Variants in CBL observed in about 807,000 individuals in gnomAD.
CBL encodes Cbl proto-oncogene, also known as E3 ubiquitin-protein ligase CBL.
CBL carries 45 observed loss-of-function variants against 96.9 expected under a neutral mutation model. That is an observed-to-expected ratio of 0.46 (90% confidence interval 0.37 to 0.60). The LOEUF (loss-of-function observed/expected upper bound fraction) is 0.60, where lower values mean the gene tolerates loss of function less well. CBL is among the 20% of genes least tolerant of loss of function. CBL has a pLI of 0.00. For missense variants in CBL, 1,024 were observed against 1,143.5 expected (o/e 0.90, Z 1.51); for synonymous variants, 420 against 426.8 (o/e 0.98, Z 0.20).
chr11:119,209,689 C>T (rs1358694543), intron 1 of CBL, among the ~76,000 whole-genome samples: 1 of 152,060 alleles, frequency 6.6e-6, no homozygotes, highest in Non-Finnish European at 1.5e-5. Flanking sequence ...CTCATACCTG[C>T]TTTATCTTTG....
chr11:119,265,391 A>G (rs866517985), intron 2 of CBL, among the ~76,000 whole-genome samples: 17 of 152,242 alleles, frequency 1.1e-4, no homozygotes, highest in African/African-American at 3.6e-4. Flanking sequence ...AATAGATAAT[A>G]CTAGTTTAGT....
chr11:119,216,321 C>G (rs953738545), intron 1 of CBL, among the ~76,000 whole-genome samples: 1 of 151,972 alleles, frequency 6.6e-6, no homozygotes, highest in African/African-American at 2.4e-5. Flanking sequence ...TGCCCTCCTC[C>G]TCTCTTGGAC....
intron 2 of CBL, among the ~76,000 whole-genome samples, chr11:119,247,338 C>T (rs1400298170): frequency 6.6e-6 from 1 of 151,906 alleles, no homozygotes; most frequent in Non-Finnish European, 1.5e-5. Context: ...AGCAATTAGG[C>T]AAGGAAAAGA....
In CBL at chr11:119,296,974, C is replaced by A. The variant is rs1565272125; in HGVS notation, c.2093C>A (p.Thr698Lys). 1 of 1,612,510 alleles carries A rather than the reference C, an allele frequency of 6.2e-7. No homozygotes were observed. Among genetic ancestry groups the A allele is most frequent in the Non-Finnish European group, 8.5e-7 (1 of 1,178,510 alleles). ...GAGCAATGTGAGGGTGAAGAGGACA[C>A]AGAGTACATGACTCCCTCTTCCAGG... is the stretch of plus-strand genomic sequence containing the variant. ...PGEQCEGEEDTEYMTPSSRPL... is the reference protein window; with the variant it reads ...PGEQCEGEEDKEYMTPSSRPL... Residue 698 changes from threonine (T) to lysine (K), a missense_variant, in exon 13 of 16, where the codon ACA (threonine) becomes AAA (lysine). This residue lies in a region of CBL where 695 missense variants were observed against 661.6 expected (regional missense o/e 1.05). Transcript: ENST00000264033.
At chr11:119,289,381 T>G (rs1950007953) in intron 12 of CBL, among the ~76,000 whole-genome samples, 1 of 152,166 alleles carries the variant, frequency 6.6e-6, no homozygotes, top group Non-Finnish European at 1.5e-5. Flanking sequence ...CATAGAAATT[T>G]AGAATTTTTG....
intron 1 of CBL, among the ~76,000 whole-genome samples, chr11:119,229,298 A>G (rs1277279111): frequency 1.3e-5 from 2 of 152,192 alleles, no homozygotes; most frequent in Non-Finnish European, 2.9e-5. Flanking sequence ...TGTACTTAGA[A>G]TATAGTTATC....
intron 12 of CBL, among the ~76,000 whole-genome samples, chr11:119,295,917 T>C (rs1406567175): frequency 1.3e-5 from 2 of 152,198 alleles, no homozygotes; most frequent in African/African-American, 2.4e-5. Context: ...ACCAATACAC[T>C]TCTGCCTCAG....
intron 2 of CBL, among the ~76,000 whole-genome samples, chr11:119,238,921 T>G (rs1378010199): frequency 6.6e-6 from 1 of 152,204 alleles, no homozygotes; most frequent in Non-Finnish European, 1.5e-5. Flanking sequence ...AATACTGTTT[T>G]CCGCTACATG....
chr11:119,254,193 A>G (rs1391932158), intron 2 of CBL, among the ~76,000 whole-genome samples: 1 of 152,174 alleles, frequency 6.6e-6, no homozygotes, highest in African/African-American at 2.4e-5. Flanking sequence ...TAAAAAAGAA[A>G]AGTCATGTTC....
intron 6 of CBL, 117 bp from the exon 7 acceptor site, chr11:119,277,640 T>A: frequency 1.4e-6 from 1 of 724,792 alleles, no homozygotes; most frequent in South Asian, 1.5e-5. Context: ...GATTGATCTT[T>A]ATACTTACAC....
chr11:119,219,048 T>C (rs1285882250), intron 1 of CBL, among the ~76,000 whole-genome samples: 3 of 152,078 alleles, frequency 2.0e-5, no homozygotes, highest in Admixed American at 2.0e-4. Context: ...GAAACCCTTC[T>C]TTATTTTAAA....
At chr11:119,276,367 T>C (rs1380661545) in intron 6 of CBL, among the ~76,000 whole-genome samples, 2 of 152,076 alleles carry the variant, frequency 1.3e-5, no homozygotes, top group African/African-American at 4.8e-5. Context: ...AAATAAACTT[T>C]ATCTTTCTTT....
chr11:119,300,085 A>C lies in CBL; in HGVS notation c.*304A>C. On this transcript the variant is annotated 3_prime_UTR_variant, in exon 16 of 16. Transcript: ENST00000264033. Reference sequence around the variant, plus strand: ...GAACAGTCCAGAAAGCTATAGAACAAGTATTTTGCTGGAAATCCTAATTGA... The same window carrying C: ...GAACAGTCCAGAAAGCTATAGAACACGTATTTTGCTGGAAATCCTAATTGA... The C allele has an allele frequency of 1.8e-6, 1 of 554,774 alleles. No homozygotes were observed. Among genetic ancestry groups the C allele is most frequent in the Admixed American group, 3.1e-5 (1 of 31,814 alleles). 34.4% of individuals were successfully genotyped at this position (554,774 alleles called of 1,614,324 possible).
intron 2 of CBL, among the ~76,000 whole-genome samples, chr11:119,271,414 C>T (rs1226825379): frequency 6.6e-6 from 1 of 152,182 alleles, no homozygotes; most frequent in Non-Finnish European, 1.5e-5. Context: ...GGAGGAGATA[C>T]AAGTGGAGGC....
intron 12 of CBL, among the ~76,000 whole-genome samples, chr11:119,296,219 A>C (rs1950061511): frequency 6.6e-6 from 1 of 152,232 alleles, no homozygotes; most frequent in African/African-American, 2.4e-5. Flanking sequence ...GAGGAGAAAC[A>C]CAAATTCACA....
chr11:119,240,843 T>C (rs1199313517), intron 2 of CBL, among the ~76,000 whole-genome samples: 1 of 151,896 alleles, frequency 6.6e-6, no homozygotes, highest in Non-Finnish European at 1.5e-5. Flanking sequence ...GAGGCTGAGG[T>C]GGGTGGATCA....
chr11:119,255,626 A>G (rs1592388898), intron 2 of CBL, among the ~76,000 whole-genome samples: 1 of 152,212 alleles, frequency 6.6e-6, no homozygotes, highest in East Asian at 1.9e-4. Flanking sequence ...AAGCTAGTAC[A>G]TATAAATTTT....
intron 13 of CBL, 68 bp downstream of exon 13, chr11:119,297,102 T>C: frequency 1.2e-6 from 1 of 854,566 alleles, no homozygotes; most frequent in East Asian, 2.4e-5. Flanking sequence ...TTCACCTGCT[T>C]GGCTTGCTAC....
chr11:119,278,855 T>C (rs566831578), intron 9 of CBL, 142 bp downstream of exon 9: 297 of 742,010 alleles, frequency 4.0e-4, no homozygotes, highest in Middle Eastern at 1.1e-3. Context: ...TGACAGATAT[T>C]GTGTTAAGCA....
Sources: gnomAD v4.1 joint callset for allele counts (sites outside exome capture counted in the v4.1 genomes callset) on GRCh38, gnomAD v4.1.1 for gene constraint, gnomAD v4.1.1 regional missense constraint, MANE v1.5 for transcripts, NCBI Gene and HGNC (gene_info 2026-07-23, HGNC 2026-07-21) for gene names.